IQSEC1: variants seen among roughly 807,000 people sequenced by gnomAD.
IQSEC1 encodes IQ motif and Sec7 domain ArfGEF 1, also known as IQ motif and SEC7 domain-containing protein 1.
IQSEC1 carries 31 observed loss-of-function variants against 91.0 expected under a neutral mutation model. That is an observed-to-expected ratio of 0.34 (90% CI 0.26 to 0.46). IQSEC1 has a LOEUF of 0.46. Among genes scored for constraint, IQSEC1 ranks in the 20% least tolerant of loss-of-function variants. The pLI is 1.00. For synonymous variants in IQSEC1, 699 were observed against 662.6 expected, an observed-to-expected ratio of 1.05 and a Z score of -0.84; for missense variants, 1,388 against 1,575.6, an observed-to-expected ratio of 0.88 and a Z score of 2.02.
chr3:13,226,098 C>A (rs749696253), intron 1 of IQSEC1, among the ~76,000 whole-genome samples: 2 of 152,136 alleles, frequency 1.3e-5, no homozygotes, highest in African/African-American at 4.8e-5. Flanking sequence ...AAGCTGGTCT[C>A]GAACTCCCGA....
chr3:13,079,879 T>G (rs571680992), intron 2 of IQSEC1, among the ~76,000 whole-genome samples: 22 of 152,174 alleles, frequency 1.4e-4, no homozygotes, highest in African/African-American at 5.1e-4. Flanking sequence ...CAAATAATAC[T>G]ATGTAAGATG....
chr3:13,095,397 G>T (rs1705937081), intron 2 of IQSEC1, among the ~76,000 whole-genome samples: 1 of 152,164 alleles, frequency 6.6e-6, no homozygotes, highest in Non-Finnish European at 1.5e-5. Context: ...CAGCCTTGGC[G>T]ATGCTGGTGT....
intron 2 of IQSEC1, among the ~76,000 whole-genome samples, chr3:13,148,354 C>T (rs1039091480): frequency 6.6e-6 from 1 of 152,134 alleles, no homozygotes; most frequent in African/African-American, 2.4e-5. Context: ...TCTCCCCAAG[C>T]CCGGCACAGC....
intron 2 of IQSEC1, among the ~76,000 whole-genome samples, chr3:13,126,140 G>C (rs751897459): frequency 1.3e-5 from 2 of 151,766 alleles, no homozygotes; most frequent in African/African-American, 2.4e-5. Context: ...GCATATATTT[G>C]CACATGTGAA....
At chr3:13,029,694 G>A (rs184905376) in intron 1 of IQSEC1, among the ~76,000 whole-genome samples, 2 of 152,368 alleles carry the variant, frequency 1.3e-5, no homozygotes, top group Admixed American at 6.5e-5. Flanking sequence ...GAGTGTGTGT[G>A]CGCACATGCG....
At chr3:12,985,879 A>C (rs1250143045) in intron 1 of IQSEC1, among the ~76,000 whole-genome samples, 3 of 152,218 alleles carry the variant, frequency 2.0e-5, no homozygotes, top group Non-Finnish European at 4.4e-5. Context: ...CATAGATCTA[A>C]ACCCATACAT....
At chr3:13,249,650 GA>G (rs1366647852) in intron 1 of IQSEC1, among the ~76,000 whole-genome samples, 1 of 152,132 alleles carries the variant, frequency 6.6e-6, no homozygotes, top group East Asian at 1.9e-4. Flanking sequence ...CTTGCTGTGT[GA>G]CCCTAGGCAA....
intron 1 of IQSEC1, among the ~76,000 whole-genome samples, chr3:13,017,685 C>T (rs572270515): frequency 8.5e-5 from 13 of 152,176 alleles, no homozygotes; most frequent in South Asian, 2.1e-4. Context: ...ATCCCCTGAA[C>T]GAAGACTCGA....
At chr3:13,078,059 TG>T (rs2125124633), upstream of IQSEC1, among the ~76,000 whole-genome samples, 1 of 152,270 alleles carries the variant, frequency 6.6e-6, no homozygotes, top group East Asian at 1.9e-4. Context: ...GAGGGAGCTG[TG>T]GCCCTGCAGA....
chr3:13,068,581 G>A (rs34478952), intron 1 of IQSEC1, among the ~76,000 whole-genome samples: 98,881 of 151,498 alleles, frequency 0.65, 32,646 homozygotes, highest in East Asian at 0.86. Context: ...CCAGCATGAC[G>A]ATGTGACTCT....
intron 1 of IQSEC1, among the ~76,000 whole-genome samples, chr3:13,191,436 T>C (rs1694028190): frequency 6.6e-6 from 1 of 151,132 alleles, no homozygotes; most frequent in African/African-American, 2.4e-5. Context: ...TGAGCACATG[T>C]GTATTTCCAG....
intron 1 of IQSEC1, among the ~76,000 whole-genome samples, chr3:13,062,319 G>A (rs1705093918): frequency 6.6e-6 from 1 of 152,160 alleles, no homozygotes; most frequent in African/African-American, 2.4e-5. Context: ...AATCTCTATA[G>A]GTCACAGAGA....
At chr3:13,199,245 G>C (rs672836) in intron 1 of IQSEC1, among the ~76,000 whole-genome samples, 126,312 of 152,250 alleles carry the variant, frequency 0.83, 52,973 homozygotes, top group African/African-American at 0.95. Context: ...AGAAGGCTTT[G>C]TGGAGGTGGC....
chr3:13,115,308 G>C (rs1430015661), intron 2 of IQSEC1, among the ~76,000 whole-genome samples: 2 of 151,974 alleles, frequency 1.3e-5, no homozygotes, highest in Admixed American at 6.6e-5. Context: ...ACTCTGGGGC[G>C]TCCTGCCTGG....
intron 1 of IQSEC1, among the ~76,000 whole-genome samples, chr3:13,056,717 G>T (rs966803504): frequency 6.6e-6 from 1 of 152,160 alleles, no homozygotes; most frequent in African/African-American, 2.4e-5. Flanking sequence ...CCAACCTCAG[G>T]ATGGAGGATT....
In IQSEC1 at chr3:12,900,010, G is replaced by A; in HGVS notation, c.*973C>T. On this transcript the variant is annotated 3_prime_UTR_variant, in exon 14 of 14. Transcript: ENST00000613206. ...AGTCACAGTTATCGCAGCCATTAAAGTGTCTAAGAATCCGTGTAACCAATG... is the reference window on the plus strand; with the variant it reads ...AGTCACAGTTATCGCAGCCATTAAAATGTCTAAGAATCCGTGTAACCAATG... 8 of 985,394 alleles carry A rather than the reference G, an allele frequency of 8.1e-6. No individual in the cohort carries two copies. Among genetic ancestry groups the A allele is most frequent in the Non-Finnish European group, 8.4e-6 (7 of 829,922 alleles). 61.0% of individuals were successfully genotyped at this position (985,394 alleles called of 1,614,324 possible).
chr3:12,987,549 T>C (rs1031231884), intron 1 of IQSEC1, among the ~76,000 whole-genome samples: 5 of 152,184 alleles, frequency 3.3e-5, no homozygotes, highest in African/African-American at 9.7e-5. Flanking sequence ...TAGGAATGAG[T>C]TTCTCAAAAC....
At chr3:13,031,051 G>C (rs1020769614) in intron 1 of IQSEC1, among the ~76,000 whole-genome samples, 5 of 152,272 alleles carry the variant, frequency 3.3e-5, no homozygotes, top group African/African-American at 7.2e-5. Flanking sequence ...ATCATCTGCT[G>C]TAAGTAGAAG....
intron 1 of IQSEC1, among the ~76,000 whole-genome samples, chr3:13,070,753 A>T (rs1559247671): frequency 6.6e-6 from 1 of 152,216 alleles, no homozygotes; most frequent in Non-Finnish European, 1.5e-5. Flanking sequence ...GGAGCCTGAG[A>T]GCTGGAGAAG....
Sources: allele counts gnomAD v4.1 joint callset (sites outside exome capture counted in the v4.1 genomes callset), GRCh38; gene constraint gnomAD v4.1.1; transcripts MANE v1.5; gene names NCBI Gene and HGNC (gene_info 2026-07-23, HGNC 2026-07-21).